The following ABAT variants were observed in gnomAD, a reference collection of about 807,000 sequenced individuals.
The protein encoded by ABAT is 4-aminobutyrate aminotransferase.
A neutral mutation model predicts 64.6 loss-of-function variants in ABAT; 45 were observed. The ratio of observed to expected loss-of-function variants is 0.70; its 90% confidence interval spans 0.55 to 0.89. ABAT has a LOEUF of 0.89. ABAT is among the 40% of genes least tolerant of loss of function. The pLI is 0.00. For synonymous variants in ABAT, 297 were observed against 250.5 expected, an observed-to-expected ratio of 1.19 and a Z score of -1.75; for missense variants, 633 against 658.4, an observed-to-expected ratio of 0.96 and a Z score of 0.42.
chr16:8,735,621 A>G, intron 1 of ABAT, 78 bp from the exon 2 acceptor site: 1 of 1,140,146 alleles, frequency 8.8e-7, no homozygotes, highest in Non-Finnish European at 1.3e-6. Context: ...ATTAGGTGGG[A>G]AGTGGTGGGG....
intron 1 of ABAT, among the ~76,000 whole-genome samples, chr16:8,685,744 G>C (rs1277393673): frequency 6.6e-6 from 1 of 152,190 alleles, no homozygotes; most frequent in South Asian, 2.1e-4. Context: ...CAATGTTCAA[G>C]TGATGGAGAG....
intron 1 of ABAT, among the ~76,000 whole-genome samples, chr16:8,732,484 T>C (rs1239918187): frequency 6.6e-6 from 1 of 151,188 alleles, no homozygotes. Flanking sequence ...CCGCCCTTAA[T>C]CCATTTAACC....
At chr16:8,703,740 C>G (rs2057878512) in intron 1 of ABAT, among the ~76,000 whole-genome samples, 1 of 152,066 alleles carries the variant, frequency 6.6e-6, no homozygotes, top group Non-Finnish European at 1.5e-5. Context: ...TAGGAAAGAC[C>G]TATAGTTTGA....
At chr16:8,770,785 T>C (rs2060083601) in intron 11 of ABAT, among the ~76,000 whole-genome samples, 4 of 152,208 alleles carry the variant, frequency 2.6e-5, no homozygotes, top group Admixed American at 2.6e-4. Flanking sequence ...GTGAAATTCA[T>C]TTTCAGAGCA....
At chr16:8,771,696 T>A (rs1227559570) in intron 11 of ABAT, among the ~76,000 whole-genome samples, 1 of 152,100 alleles carries the variant, frequency 6.6e-6, no homozygotes, top group Admixed American at 6.5e-5. Flanking sequence ...CTGGAACTCC[T>A]GACCTCAGGT....
At chr16:8,678,930 G>A (rs1278577325) in intron 1 of ABAT, among the ~76,000 whole-genome samples, 1 of 152,106 alleles carries the variant, frequency 6.6e-6, no homozygotes, top group Admixed American at 6.5e-5. Context: ...GGGAAGTGGG[G>A]AATTAAAAGG....
At chr16:8,780,824 G>C (rs910466564) in intron 15 of ABAT, 2 of 154,000 alleles carry the variant, frequency 1.3e-5, no homozygotes, top group East Asian at 2.7e-4. Flanking sequence ...AGCTGTAACT[G>C]TGAAGTCACC....
chr16:8,715,080 G>A (rs187184888), intron 1 of ABAT: 142 of 152,314 alleles, frequency 9.3e-4, no homozygotes, highest in African/African-American at 3.2e-3. Context: ...TGGACCCTCT[G>A]ACATCACATG....
chr16:8,698,620 C>T (rs576191557), intron 1 of ABAT, among the ~76,000 whole-genome samples: 1 of 152,276 alleles, frequency 6.6e-6, no homozygotes, highest in Admixed American at 6.5e-5. Flanking sequence ...AGGCGTGAGC[C>T]ACTGCGCCCG....
intron 1 of ABAT, among the ~76,000 whole-genome samples, chr16:8,704,192 A>G (rs7196194): frequency 6.6e-6 from 1 of 152,248 alleles, no homozygotes; most frequent in Non-Finnish European, 1.5e-5. Flanking sequence ...TGACTGGTTC[A>G]ATGCTAGAAA....
At chr16:8,677,465 C>G (rs966519332) in intron 1 of ABAT, among the ~76,000 whole-genome samples, 2 of 152,214 alleles carry the variant, frequency 1.3e-5, no homozygotes, top group Non-Finnish European at 2.9e-5. Context: ...ATTCATGTCT[C>G]TGAACCTCAG....
At chr16:8,762,953 C>CA (rs1567309600) in intron 6 of ABAT, among the ~76,000 whole-genome samples, 1 of 151,830 alleles carries the variant, frequency 6.6e-6, no homozygotes, top group Non-Finnish European at 1.5e-5. Context: ...TAAAAAAATA[C>CA]AAAAAATTAG....
intron 1 of ABAT, among the ~76,000 whole-genome samples, chr16:8,690,606 G>C (rs1400245626): frequency 1.3e-5 from 2 of 152,160 alleles, no homozygotes; most frequent in Non-Finnish European, 2.9e-5. Context: ...TCTGTGCCTT[G>C]AGCGGATCCG....
intron 4 of ABAT, among the ~76,000 whole-genome samples, chr16:8,749,351 GTGC>G (rs904364745): frequency 7.4e-5 from 10 of 135,384 alleles, no homozygotes; most frequent in Admixed American, 1.6e-4. Context: ...GCCTCCCAAA[GTGC>G]TGGATTACAG....
intron 1 of ABAT, among the ~76,000 whole-genome samples, chr16:8,721,348 G>A (rs973616341): frequency 6.6e-6 from 1 of 152,068 alleles, no homozygotes; most frequent in Non-Finnish European, 1.5e-5. Flanking sequence ...CATATGCAGG[G>A]CCCACCGTCC....
intron 1 of ABAT, among the ~76,000 whole-genome samples, chr16:8,680,624 C>T (rs576617188): frequency 1.1e-4 from 17 of 152,264 alleles, no homozygotes; most frequent in African/African-American, 4.1e-4. Flanking sequence ...GACGGGGTTT[C>T]ACCATGTTGG....
At chr16:8,759,584 C>G (rs370447477) in intron 6 of ABAT, among the ~76,000 whole-genome samples, 9 of 152,312 alleles carry the variant, frequency 5.9e-5, no homozygotes, top group African/African-American at 2.2e-4. Context: ...GCAATCATGG[C>G]TCACTGCAGC....
At chr16:8,755,875 C>G (rs1252687565) in intron 5 of ABAT, among the ~76,000 whole-genome samples, 2 of 152,138 alleles carry the variant, frequency 1.3e-5, no homozygotes, top group Non-Finnish European at 2.9e-5. Context: ...CGATGAAACC[C>G]CGTCTCTACT....
intron 1 of ABAT, among the ~76,000 whole-genome samples, chr16:8,709,736 GT>G (rs1462563676): frequency 6.6e-6 from 1 of 152,120 alleles, no homozygotes; most frequent in Non-Finnish European, 1.5e-5. Flanking sequence ...TGGTTAAGGA[GT>G]GAGAAAAGCG....
Sources: gnomAD v4.1 joint callset for allele counts (sites outside exome capture counted in the v4.1 genomes callset) on GRCh38, gnomAD v4.1.1 for gene constraint, MANE v1.5 for transcripts, NCBI Gene and HGNC (gene_info 2026-07-23, HGNC 2026-07-21) for gene names.